The following ANKRD17 variants were observed in gnomAD, a reference collection of about 807,000 sequenced individuals.
ANKRD17 encodes the protein ankyrin repeat domain-containing protein 17.
ANKRD17 carries 19 observed loss-of-function variants against 229.7 expected under a neutral mutation model. The ratio of observed to expected loss-of-function variants is 0.08; its 90% CI spans 0.06 to 0.12. The LOEUF is 0.12. Among genes scored for constraint, ANKRD17 ranks in the 10% least tolerant of loss-of-function variants. ANKRD17 has a pLI of 1.00. For missense variants in ANKRD17, 2,176 were observed against 3,176.8 expected (o/e 0.68, Z 7.57); for synonymous variants, 1,112 against 1,146.1 (o/e 0.97, Z 0.60).
intron 2 of ANKRD17, among the ~76,000 whole-genome samples, chr4:73,164,557 T>C (rs949952945): frequency 3.9e-5 from 6 of 152,114 alleles, no homozygotes; most frequent in Non-Finnish European, 7.4e-5. Context: ...ATCCTACTAC[T>C]TGGCGGGTGG....
intron 7 of ANKRD17, 144 bp downstream of exon 7, chr4:73,151,286 A>T: frequency 1.5e-6 from 1 of 662,984 alleles, no homozygotes; most frequent in Non-Finnish European, 2.4e-6. Flanking sequence ...AAGTAACTTT[A>T]ATAGAAGTTA....
chr4:73,085,571 G>A (rs1722031999), intron 29 of ANKRD17, 125 bp from the exon 30 acceptor site: 4 of 860,442 alleles, frequency 4.6e-6, no homozygotes, highest in Non-Finnish European at 7.0e-6. Flanking sequence ...AATCCCGGCT[G>A]GGAGTGGTGG....
At chr4:73,078,468 G>A (rs183639387) in intron 31 of ANKRD17, among the ~76,000 whole-genome samples, 174 bp downstream of exon 31, 11 of 152,176 alleles carry the variant, frequency 7.2e-5, no homozygotes, top group African/African-American at 2.4e-4. Flanking sequence ...AACCGGGGAG[G>A]TGGAGGTTGC....
chr4:73,122,428 G>A (rs1042678723), intron 18 of ANKRD17, among the ~76,000 whole-genome samples: 1 of 152,114 alleles, frequency 6.6e-6, no homozygotes, highest in African/African-American at 2.4e-5. Flanking sequence ...TAGTGGATGT[G>A]TAGTTGTATC....
At chr4:73,217,411 C>G (rs1266484070) in intron 1 of ANKRD17, among the ~76,000 whole-genome samples, 2 of 152,158 alleles carry the variant, frequency 1.3e-5, no homozygotes, top group Non-Finnish European at 2.9e-5. Flanking sequence ...CCCACCCTTA[C>G]ATGAAAAATT....
At position 73,078,712 on chromosome 4, in the gene ANKRD17, A is replaced by T. The variant is rs374167645; in HGVS notation, c.7338T>A (p.Ile2446=). 3.1e-6 allele frequency: 5 copies of T among 1,614,076 alleles called. No individual in the cohort carries two copies. Among genetic ancestry groups the T allele is most frequent in the Non-Finnish European group, 3.4e-6 (4 of 1,180,028 alleles). ...RQTGTSAPSV[I]GSNLSTSVGH... Reference sequence around the variant, plus strand: ...CTACTGATGTAGACAAATTGCTCCCAATAACAGATGGAGCTGACGTTCCAG... The same window carrying T: ...CTACTGATGTAGACAAATTGCTCCCTATAACAGATGGAGCTGACGTTCCAG... The change falls in exon 31 of 34, where the codon ATT becomes ATA. Residue 2446 remains isoleucine (I), a synonymous_variant. Transcript: ENST00000358602.
intron 30 of ANKRD17, among the ~76,000 whole-genome samples, chr4:73,083,865 T>C (rs1046001887): frequency 6.6e-6 from 1 of 151,800 alleles, no homozygotes; most frequent in Non-Finnish European, 1.5e-5. Flanking sequence ...CTTTACTCTT[T>C]CATTAAGTTA....
Position 73,144,789 on chromosome 4 carries a change from G to A in ANKRD17, c.1913C>T (p.Ala638Val). The A allele has an allele frequency of 6.2e-7, 1 of 1,604,438 alleles. No individual in the cohort carries two copies. The highest frequency in any genetic ancestry group is 8.5e-7 in the Non-Finnish European group (1 of 1,176,720). The change falls in exon 11 of 34, where the codon GCA (alanine) becomes GTA (valine). Residue 638 changes from alanine to valine, a missense_variant. This residue lies in a region of ANKRD17 where 275 missense variants were observed against 386.9 expected (regional missense o/e 0.71). Transcript: ENST00000358602. ...AACAGTACAAACATGACCAGCTCTTGCAGCTTTCATTAAAGGAGTTCTTCC... is the reference window on the plus strand; with the variant it reads ...AACAGTACAAACATGACCAGCTCTTACAGCTTTCATTAAAGGAGTTCTTCC... Reference protein sequence around the residue: ...EGGRTPLMKAARAGHVCTVQF... With the variant: ...EGGRTPLMKAVRAGHVCTVQF...
chr4:73,086,757 T>C (rs536691549), intron 29 of ANKRD17, among the ~76,000 whole-genome samples: 1 of 150,832 alleles, frequency 6.6e-6, no homozygotes, highest in South Asian at 2.1e-4. Flanking sequence ...CCTAGCTATA[T>C]TTTTGTTTTA....
intron 25 of ANKRD17, among the ~76,000 whole-genome samples, chr4:73,099,611 T>C (rs921159566): frequency 6.6e-6 from 1 of 152,232 alleles, no homozygotes; most frequent in African/African-American, 2.4e-5. Flanking sequence ...CATCCTGGCA[T>C]GCCCTACTCC....
intron 1 of ANKRD17, 54 bp downstream of exon 1, chr4:73,258,222 C>T: frequency 6.2e-7 from 1 of 1,611,100 alleles, no homozygotes; most frequent in East Asian, 2.2e-5. Flanking sequence ...CCACCTTCGG[C>T]CCCTATCCCT....
chr4:73,206,812 T>C (rs547956112), intron 1 of ANKRD17, among the ~76,000 whole-genome samples: 1 of 152,144 alleles, frequency 6.6e-6, no homozygotes, highest in African/African-American at 2.4e-5. Flanking sequence ...ACTTGAAATT[T>C]GCTAAGAGAA....
chr4:73,139,820 C>T lies in ANKRD17; in HGVS notation c.2796G>A (p.Val932=), dbSNP rs1418046887. The T allele has an allele frequency of 6.2e-7, 1 of 1,614,232 alleles. No individual in the cohort carries two copies. Among genetic ancestry groups the T allele is most frequent in the Non-Finnish European group, 8.5e-7 (1 of 1,180,042 alleles). ...SEGDYARLQQ[V]DPVLLKDEPQ... The stretch of plus-strand genomic sequence containing the variant: ...GTTCATCTTTAAGTAAAACAGGATC[C>T]ACTTGCTGTAACCGTGCATAGTCTC... The change falls in exon 15 of 34, where the codon GTG becomes GTA. Residue 932 remains valine (V), a synonymous_variant. Transcript: ENST00000358602.
chr4:73,217,259 T>C (rs1405942075), intron 1 of ANKRD17, among the ~76,000 whole-genome samples: 1 of 152,198 alleles, frequency 6.6e-6, no homozygotes, highest in Non-Finnish European at 1.5e-5. Context: ...TATACTACCT[T>C]TCCACAAGCT....
chr4:73,148,480 G>A (rs570603226), intron 8 of ANKRD17, among the ~76,000 whole-genome samples: 4 of 152,102 alleles, frequency 2.6e-5, no homozygotes, highest in South Asian at 2.1e-4. Context: ...TAGGTATTCC[G>A]CCCCCAAAGG....
intron 24 of ANKRD17, among the ~76,000 whole-genome samples, chr4:73,106,111 G>A (rs1355927564): frequency 1.3e-5 from 2 of 152,106 alleles, no homozygotes; most frequent in Non-Finnish European, 2.9e-5. Context: ...GTGTGTGTGG[G>A]GGAGGTTAGA....
At chr4:73,102,713 C>G (rs552757225) in intron 24 of ANKRD17, 166 bp from the exon 25 acceptor site, 13 of 675,282 alleles carry the variant, frequency 1.9e-5, no homozygotes, top group Non-Finnish European at 2.8e-5. Context: ...TCTAAAGAGA[C>G]AATATTTTTA....
In ANKRD17 at chr4:73,125,250, T is replaced by C; in HGVS notation, c.3297A>G (p.Val1099=). The change falls in exon 17 of 34, where the codon GTA becomes GTG. Residue 1099 remains valine, a synonymous_variant. Transcript: ENST00000358602. ...TAGCTCCTCTCTCTAGCAGTGTTTGTACCAGTTCCTCGTGGCCACCAGCAC... is the reference window on the plus strand; with the variant it reads ...TAGCTCCTCTCTCTAGCAGTGTTTGCACCAGTTCCTCGTGGCCACCAGCAC... ...LACAGGHEEL[V]QTLLERGASI... is the part of the protein sequence containing the mutation. 6.2e-7 allele frequency: 1 copy of C among 1,614,152 alleles called. No individual in the cohort carries two copies. Among genetic ancestry groups the C allele is most frequent in the East Asian group, 2.2e-5 (1 of 44,882 alleles).
At chr4:73,144,404 T>C (rs1729982415) in intron 11 of ANKRD17, among the ~76,000 whole-genome samples, 1 of 152,238 alleles carries the variant, frequency 6.6e-6, no homozygotes, top group African/African-American at 2.4e-5. Context: ...ACTTTTTTAG[T>C]GGCAGAAACA....
Sources: gnomAD v4.1 joint callset for allele counts (sites outside exome capture counted in the v4.1 genomes callset) on GRCh38, gnomAD v4.1.1 for gene constraint, gnomAD v4.1.1 regional missense constraint, MANE v1.5 for transcripts, NCBI Gene and HGNC (gene_info 2026-07-23, HGNC 2026-07-21) for gene names.